Variants in RIMS1 observed in about 807,000 individuals in gnomAD.
RIMS1 encodes regulating synaptic membrane exocytosis 1.
A neutral mutation model predicts 214.1 loss-of-function variants in RIMS1; 83 were observed. That is an observed-to-expected ratio of 0.39 (90% CI 0.32 to 0.47). The LOEUF (loss-of-function observed/expected upper bound fraction) is 0.47. RIMS1 is among the 20% of genes least tolerant of loss of function. The pLI, the probability that RIMS1 is intolerant of heterozygous loss-of-function variation, is 0.99. For missense variants in RIMS1, 2,050 were observed against 2,161.8 expected (o/e 0.95, Z 1.03); for synonymous variants, 793 against 786.8 (o/e 1.01, Z -0.13).
intron 6 of RIMS1, chr6:72,216,419 G>A (rs899845802): frequency 1.2e-5 from 12 of 985,130 alleles, no homozygotes; most frequent in South Asian, 4.7e-5. Context: ...ATGAGCCACC[G>A]TTAGCACTAG....
At chr6:72,376,348 G>GT (rs2098378728) in intron 29 of RIMS1, among the ~76,000 whole-genome samples, 1 of 152,078 alleles carries the variant, frequency 6.6e-6, no homozygotes, top group Non-Finnish European at 1.5e-5. Context: ...CCAGTCCCCG[G>GT]TGTGTTAATG....
intron 2 of RIMS1, among the ~76,000 whole-genome samples, chr6:72,090,402 A>G (rs1835899242): frequency 1.3e-5 from 2 of 152,038 alleles, no homozygotes; most frequent in African/African-American, 4.8e-5. Context: ...TCTTCCAACT[A>G]TTTTGTAGCA....
chr6:72,285,046 A>T (rs2091815099), intron 24 of RIMS1, among the ~76,000 whole-genome samples: 1 of 152,156 alleles, frequency 6.6e-6, no homozygotes, highest in Non-Finnish European at 1.5e-5. Context: ...CAGTTTTGGG[A>T]TGGAGAACAG....
At chr6:72,330,067 G>T (rs977570065) in intron 28 of RIMS1, among the ~76,000 whole-genome samples, 1 of 151,780 alleles carries the variant, frequency 6.6e-6, no homozygotes, top group Admixed American at 6.6e-5. Context: ...GGGCATTGAG[G>T]AGCTCCTACA....
chr6:72,274,562 G>GTAGCAAACATA (rs1256108242), intron 23 of RIMS1, 130 bp downstream of exon 23: 1 of 686,744 alleles, frequency 1.5e-6, no homozygotes, highest in Non-Finnish European at 2.6e-6. Context: ...TATGTTAGAT[G>GTAGCAAACATA]TAGCCAACTC....
intron 4 of RIMS1, among the ~76,000 whole-genome samples, chr6:72,169,472 G>A (rs1443088658): frequency 6.6e-6 from 1 of 152,136 alleles, no homozygotes; most frequent in Admixed American, 6.5e-5. Flanking sequence ...TTTTAGCCAG[G>A]AATATGAGAA....
chr6:72,099,979 A>G lies in RIMS1; in HGVS notation c.464A>G (p.Asp155Gly). 2 of 1,605,860 alleles carry G rather than the reference A, an allele frequency of 1.2e-6. No homozygotes were observed. Among genetic ancestry groups the G allele is most frequent in the Non-Finnish European group, 1.7e-6 (2 of 1,173,666 alleles). ...GRVSLRSNNE[D>G]KVVMWVCNLC... ...TCCTTGGATGCTTTCCCAAAGGAGGACAAAGTGGTTAGAATCCATACTTTC... is the reference window on the plus strand; with the variant it reads ...TCCTTGGATGCTTTCCCAAAGGAGGGCAAAGTGGTTAGAATCCATACTTTC... The change falls in exon 4 of 34, where the codon GAC becomes GGC. Residue 155 changes from aspartate to glycine, a missense_variant. Physicochemically the swap from Asp to Gly is moderately conservative, Grantham distance 94. Coordinates refer to ENST00000521978, the MANE Select transcript of RIMS1 (RefSeq NM_014989.7).
At position 72,250,326 on chromosome 6, in the gene RIMS1, C is replaced by T. The variant is rs984051406; in HGVS notation, c.2242-4C>T. 1 of 1,600,404 alleles carries T rather than the reference C, an allele frequency of 6.2e-7. No homozygotes were observed. ...CAAATAATTCCTTTCCTCATTGCTC[C>T]TAGGTGAAGTTGTGGTATGATAAAG... is the stretch of plus-strand genomic sequence containing the variant. On this transcript the variant is annotated splice_polypyrimidine_tract_variant and splice_region_variant and intron_variant, in intron 12 of 33. Coordinates refer to ENST00000521978, the MANE Select transcript of RIMS1 (RefSeq NM_014989.7).
intron 31 of RIMS1, among the ~76,000 whole-genome samples, chr6:72,396,752 C>T (rs1339605096): frequency 6.6e-6 from 1 of 152,126 alleles, no homozygotes; most frequent in African/African-American, 2.4e-5. Context: ...GTGGCTCACA[C>T]CTGTAATCCC....
At chr6:72,260,825 T>G in intron 19 of RIMS1, 58 bp downstream of exon 19, 1 of 1,592,516 alleles carries the variant, frequency 6.3e-7, no homozygotes. Context: ...TCCATTCTAT[T>G]ATTCTTCCGT....
At chr6:72,297,407 A>G (rs938165519) in intron 26 of RIMS1, among the ~76,000 whole-genome samples, 2 of 152,056 alleles carry the variant, frequency 1.3e-5, no homozygotes, top group Admixed American at 1.3e-4. Context: ...TATCCAAAAG[A>G]AAGAAAAATG....
chr6:72,027,788 G>A (rs1816966549), intron 2 of RIMS1, among the ~76,000 whole-genome samples: 1 of 151,922 alleles, frequency 6.6e-6, no homozygotes, highest in South Asian at 2.1e-4. Context: ...GGGAGTATAG[G>A]AGAAATTAGA....
intron 26 of RIMS1, among the ~76,000 whole-genome samples, chr6:72,298,684 C>G (rs940043925): frequency 2.6e-5 from 4 of 151,878 alleles, no homozygotes; most frequent in African/African-American, 9.7e-5. Context: ...AATCCACAGC[C>G]CATGTTCTGT....
intron 2 of RIMS1, among the ~76,000 whole-genome samples, chr6:71,976,022 A>G (rs890409672): frequency 1.7e-4 from 26 of 152,098 alleles, no homozygotes; most frequent in Non-Finnish European, 2.2e-4. Context: ...ATTAGCATTT[A>G]GGTACAAGTT....
intron 28 of RIMS1, among the ~76,000 whole-genome samples, chr6:72,332,740 C>T (rs2096714766): frequency 6.6e-6 from 1 of 151,192 alleles, no homozygotes; most frequent in African/African-American, 2.4e-5. Context: ...CCCTACCTCT[C>T]CTCAACTCTC....
At chr6:72,280,124 T>C (rs1322743953) in intron 23 of RIMS1, among the ~76,000 whole-genome samples, 1 of 151,988 alleles carries the variant, frequency 6.6e-6, no homozygotes, top group Non-Finnish European at 1.5e-5. Context: ...TTTTGGGCTT[T>C]CAAATTTAAT....
intron 2 of RIMS1, among the ~76,000 whole-genome samples, chr6:72,049,827 A>G (rs552250018): frequency 6.6e-6 from 1 of 150,972 alleles, no homozygotes; most frequent in Admixed American, 6.6e-5. Context: ...ATTTTCTAAT[A>G]TTTTCAGTTT....
chr6:72,099,381 G>A lies in RIMS1; in HGVS notation c.460-594G>A, dbSNP rs561892720. Among the ~76,000 whole-genome samples the A allele has an allele frequency of 3.3e-5, 5 of 152,168 alleles. No homozygotes were observed. The East Asian group carries it at 5.8e-4, about 18-fold the overall frequency. On this transcript the variant is annotated intron_variant, in intron 3 of 33. Transcript: ENST00000521978. ...GCACACATCTTAAGATATTTCATTC[G>A]GAGCACAAGACAAAAACATTGTATA...
At chr6:72,200,400 C>G (rs1320030721) in intron 6 of RIMS1, among the ~76,000 whole-genome samples, 1 of 152,172 alleles carries the variant, frequency 6.6e-6, no homozygotes, top group African/African-American at 2.4e-5. Flanking sequence ...GCCCTGGGCC[C>G]TTTCCCACAC....
Sources: gnomAD v4.1 joint callset for allele counts (sites outside exome capture counted in the v4.1 genomes callset) on GRCh38, gnomAD v4.1.1 for gene constraint, MANE v1.5 for transcripts, NCBI Gene and HGNC (gene_info 2026-07-23, HGNC 2026-07-21) for gene names.